UIMC1: variants seen among roughly 807,000 people sequenced by gnomAD.
The protein encoded by UIMC1 is ubiquitin interaction motif containing 1.
UIMC1 carries 42 observed loss-of-function variants against 84.9 expected under a neutral mutation model. The observed-to-expected ratio is 0.49, with a 90% CI of 0.39 to 0.64. The LOEUF is 0.64. UIMC1 is among the 30% of genes least tolerant of loss of function. UIMC1 has a pLI of 0.00. For synonymous variants in UIMC1, 281 were observed against 293.0 expected, an observed-to-expected ratio of 0.96 and a Z score of 0.42; for missense variants, 825 against 847.6, an observed-to-expected ratio of 0.97 and a Z score of 0.33.
At chr5:176,976,418 A>C (rs1386430842) in intron 2 of UIMC1, among the ~76,000 whole-genome samples, 2 of 152,370 alleles carry the variant, frequency 1.3e-5, no homozygotes, top group South Asian at 2.1e-4. Flanking sequence ...AAAGATGCCC[A>C]GTATCATTAG....
chr5:176,998,762 C>T (rs910917411), intron 1 of UIMC1, among the ~76,000 whole-genome samples: 5 of 151,744 alleles, frequency 3.3e-5, no homozygotes, highest in Non-Finnish European at 7.4e-5. Context: ...AGCAAAACTC[C>T]GTCTCAAAAA....
chr5:176,977,587 AAAAAAAAAAAG>A (rs761832426), intron 2 of UIMC1, among the ~76,000 whole-genome samples: 1 of 146,668 alleles, frequency 6.8e-6, no homozygotes, highest in African/African-American at 2.7e-5. Flanking sequence ...CATCTCAAAA[AAAAAAAAAAAG>A]AAAAGAAAAA....
At chr5:177,009,783 C>G (rs1465614206), upstream of UIMC1, among the ~76,000 whole-genome samples, 2 of 151,870 alleles carry the variant, frequency 1.3e-5, no homozygotes, top group East Asian at 3.9e-4. This position sits in a 1 kb window ranked among gnomAD's most constrained non-coding sequence, Gnocchi z 4.3. Context: ...ACCTATAATC[C>G]CAGCATTTTG....
At position 176,905,250 on chromosome 5, in the gene UIMC1, A is replaced by G. The variant is rs753908921; in HGVS notation, c.*32T>C. The G allele has an allele frequency of 2.4e-5, 38 of 1,608,404 alleles. 1 individual carries two copies. The South Asian group carries it at 4.2e-4, about 18-fold the overall frequency. ...ATGAACATGGCCCACCCCTCCTACT[A>G]ATGGTTTTGTCAACTTTTGGACCCT... On this transcript the variant is annotated 3_prime_UTR_variant, in exon 15 of 15. Coordinates refer to ENST00000511320, the MANE Select transcript of UIMC1 (RefSeq NM_001199298.2).
chr5:176,965,401 AAC>A, intron 6 of UIMC1, among the ~76,000 whole-genome samples: 1 of 151,760 alleles, frequency 6.6e-6, no homozygotes, highest in East Asian at 1.9e-4. Flanking sequence ...CAGCCTGCGC[AAC>A]ACAGAGAGAC....
At chr5:176,933,199 T>C (rs1442694066) in intron 10 of UIMC1, among the ~76,000 whole-genome samples, 1 of 152,164 alleles carries the variant, frequency 6.6e-6, no homozygotes, top group Non-Finnish European at 1.5e-5. Flanking sequence ...AAAGAACTTG[T>C]ATAAACTATA....
At chr5:176,949,353 C>A (rs1356313014) in intron 9 of UIMC1, among the ~76,000 whole-genome samples, 4 of 152,282 alleles carry the variant, frequency 2.6e-5, no homozygotes, top group African/African-American at 9.6e-5. Context: ...CAGACGTGTA[C>A]ACCATAAATT....
Position 176,925,209 on chromosome 5 carries a change from C to T in UIMC1, c.1598-13820G>A, listed in dbSNP as rs191994877. ...ATGGACAAAACATTTGAACACTTTA[C>T]AGAAGATACAAAATTAGACAACAAT... On this transcript the variant is annotated intron_variant, in intron 10 of 14. Coordinates refer to ENST00000511320, the MANE Select transcript of UIMC1 (RefSeq NM_001199298.2). Among the ~76,000 whole-genome samples, 409 of 152,078 alleles carry T rather than the reference C, an allele frequency of 2.7e-3. 1 individual carries two copies. The highest frequency in any genetic ancestry group is 9.6e-3 in the African/African-American group (399 of 41,496).
chr5:177,018,307 A>G (rs932192728), intron 1 of UIMC1, among the ~76,000 whole-genome samples: 2 of 150,798 alleles, frequency 1.3e-5, no homozygotes, highest in African/African-American at 4.9e-5. Flanking sequence ...CCGAGATCGC[A>G]CCACTGCACT....
At chr5:176,961,150 G>C (rs1237679629) in intron 6 of UIMC1, among the ~76,000 whole-genome samples, 7 of 76,038 alleles carry the variant, frequency 9.2e-5, no homozygotes, top group Admixed American at 2.1e-4. Flanking sequence ...AGTGAGGAGC[G>C]TCTCCGCCCG....
intron 10 of UIMC1, among the ~76,000 whole-genome samples, chr5:176,917,881 C>T (rs1180379591): frequency 1.3e-5 from 2 of 152,144 alleles, no homozygotes; most frequent in Admixed American, 1.3e-4. Flanking sequence ...ATTGCTTGAA[C>T]CTGGAAGGCA....
chr5:177,000,284 T>A (rs1448944320), intron 1 of UIMC1, among the ~76,000 whole-genome samples: 1 of 152,006 alleles, frequency 6.6e-6, no homozygotes, highest in Non-Finnish European at 1.5e-5. Flanking sequence ...AACGCCAAAC[T>A]GTTCTCCATA....
At chr5:177,004,933 T>A (rs926591285) in intron 1 of UIMC1, among the ~76,000 whole-genome samples, 1 of 152,120 alleles carries the variant, frequency 6.6e-6, no homozygotes, top group African/African-American at 2.4e-5. Context: ...GACAAGGTCT[T>A]GCTCTGTCAC....
chr5:176,977,338 A>G (rs541841238), intron 2 of UIMC1, among the ~76,000 whole-genome samples: 2 of 152,184 alleles, frequency 1.3e-5, no homozygotes, highest in Non-Finnish European at 1.5e-5. Flanking sequence ...CAATAAATAT[A>G]AAGTAGATTT....
At chr5:176,970,626 G>A (rs1769064316) in intron 4 of UIMC1, 116 bp downstream of exon 4, 9 of 1,518,648 alleles carry the variant, frequency 5.9e-6, no homozygotes, top group Middle Eastern at 1.7e-4. Flanking sequence ...GGGAATTTTT[G>A]TTAGGTGAAA....
At position 176,989,485 on chromosome 5, in the gene UIMC1, C is replaced by A. The variant is rs1457222441; in HGVS notation, c.-8-6862G>T. Among the ~76,000 whole-genome samples, 7 of 151,846 alleles carry A rather than the reference C, an allele frequency of 4.6e-5. 1 individual carries two copies. In the East Asian group the frequency reaches 1.4e-3, roughly 29 times the overall value. ...GACCAGCCTGGACAACATGGTGAAA[C>A]CCCATCTCTATTAAAAATACAAAAA... On this transcript the variant is annotated intron_variant, in intron 1 of 14. Transcript: ENST00000511320.
At chr5:177,019,515 A>G (rs1195713423) in intron 1 of UIMC1, among the ~76,000 whole-genome samples, 1 of 151,722 alleles carries the variant, frequency 6.6e-6, no homozygotes, top group Non-Finnish European at 1.5e-5. Context: ...GTTGGTGTCC[A>G]CTTGTAGTCC....
intron 3 of UIMC1, among the ~76,000 whole-genome samples, chr5:176,974,479 G>C (rs540294519): frequency 3.2e-3 from 482 of 152,220 alleles, no homozygotes; most frequent in Non-Finnish European, 5.3e-3. Context: ...CCTTAGCGTA[G>C]TCAAAGATTT....
chr5:177,001,114 T>C (rs2149539008), intron 1 of UIMC1, among the ~76,000 whole-genome samples: 1 of 152,322 alleles, frequency 6.6e-6, no homozygotes, highest in Non-Finnish European at 1.5e-5. Context: ...TCCCCAAAGT[T>C]TTCTTGTAGT....
Sources: gnomAD v4.1 joint callset for allele counts (sites outside exome capture counted in the v4.1 genomes callset) on GRCh38, gnomAD v4.1.1 for gene constraint, Gnocchi (gnomAD v3.1) non-coding constraint, MANE v1.5 for transcripts, NCBI Gene and HGNC (gene_info 2026-07-23, HGNC 2026-07-21) for gene names.